The following ZNF292 variants were observed in gnomAD, a reference collection of about 807,000 sequenced individuals.
ZNF292 encodes the protein 16 zinc-finger domain protein.
ZNF292 carries 26 observed loss-of-function variants against 217.9 expected under a neutral mutation model. The observed-to-expected ratio is 0.12, with a 90% CI of 0.09 to 0.17. The LOEUF (loss-of-function observed/expected upper bound fraction) is 0.17, where lower values mean the gene tolerates loss of function less well. Among genes scored for constraint, ZNF292 ranks in the 10% least tolerant of loss-of-function variants. The probability of loss-of-function intolerance (pLI) is 1.00; values close to 1 mark genes in which losing one functional copy is unlikely to be tolerated. For synonymous variants in ZNF292, 1,257 were observed against 1,124.1 expected, an observed-to-expected ratio of 1.12 and a Z score of -2.37; for missense variants, 2,904 against 3,175.2, an observed-to-expected ratio of 0.91 and a Z score of 2.05.
At chr6:87,216,470 C>A in intron 3 of ZNF292, 93 bp downstream of exon 3, 3 of 870,852 alleles carry the variant, frequency 3.4e-6, no homozygotes, top group Non-Finnish European at 5.4e-6. Flanking sequence ...TTTAAGACAT[C>A]TCAATAATGA....
intron 5 of ZNF292, among the ~76,000 whole-genome samples, chr6:87,235,198 T>C (rs1773843713): frequency 6.6e-6 from 1 of 151,182 alleles, no homozygotes; most frequent in Admixed American, 6.6e-5. Flanking sequence ...ATAAGTTAAT[T>C]TGCAGATGTA....
intron 7 of ZNF292, among the ~76,000 whole-genome samples, chr6:87,247,937 A>T (rs908551296): frequency 1.3e-5 from 2 of 152,220 alleles, no homozygotes; most frequent in Non-Finnish European, 2.9e-5. Flanking sequence ...GATTATACAG[A>T]TTAGACACAA....
intron 1 of ZNF292, among the ~76,000 whole-genome samples, chr6:87,198,042 T>G (rs1296911870): frequency 1.3e-5 from 2 of 152,174 alleles, no homozygotes; most frequent in Non-Finnish European, 2.9e-5. Context: ...GTATTTTCTT[T>G]TTCATCAGTT....
At position 87,240,841 on chromosome 6, in the gene ZNF292, T is replaced by C. The variant is rs368740115; in HGVS notation, c.742-2634T>C. ...GTAAAAATCTGTATTTAGCAGCATA[T>C]GAATATATGGCCTTAGTATTCCTGT... On this transcript the variant is annotated intron_variant, in intron 5 of 7. Transcript: ENST00000369577. 9.8e-5 allele frequency among the ~76,000 whole-genome samples: 15 copies of C among 152,356 alleles called. No homozygotes were observed. In the East Asian group the frequency reaches 1.5e-3, roughly 16 times the overall value.
intron 1 of ZNF292, among the ~76,000 whole-genome samples, chr6:87,172,713 C>T (rs957311869): frequency 6.6e-6 from 1 of 151,934 alleles, no homozygotes; most frequent in Admixed American, 6.6e-5. Flanking sequence ...TGAGACCAGC[C>T]TGGGCAACAC....
chr6:87,247,640 G>C (rs533240811), intron 7 of ZNF292, among the ~76,000 whole-genome samples: 1 of 152,066 alleles, frequency 6.6e-6, no homozygotes, highest in Non-Finnish European at 1.5e-5. Flanking sequence ...GTCAACACAG[G>C]CGTCTCATAA....
At chr6:87,207,587 A>G (rs1316594757) in intron 1 of ZNF292, among the ~76,000 whole-genome samples, 1 of 152,210 alleles carries the variant, frequency 6.6e-6, no homozygotes, top group Non-Finnish European at 1.5e-5. Flanking sequence ...TACGTGGCCT[A>G]GTTTGTGTTC....
intron 7 of ZNF292, among the ~76,000 whole-genome samples, chr6:87,253,073 A>AT (rs1209304323): frequency 6.8e-6 from 1 of 146,540 alleles, no homozygotes; most frequent in Non-Finnish European, 1.5e-5. Context: ...TGCCCAGCTA[A>AT]TTTTTTTTCT....
intron 1 of ZNF292, chr6:87,170,123 A>G (rs1413246728): frequency 6.6e-6 from 1 of 152,256 alleles, no homozygotes; most frequent in East Asian, 1.9e-4. Context: ...GAAATAATGC[A>G]AATTTTAATT....
chr6:87,186,484 A>G (rs558237720), intron 1 of ZNF292, among the ~76,000 whole-genome samples: 23 of 152,322 alleles, frequency 1.5e-4, no homozygotes, highest in African/African-American at 5.1e-4. Context: ...TATTCCTTCA[A>G]TATAGGAGAG....
At chr6:87,233,839 A>G (rs1023125524) in intron 5 of ZNF292, among the ~76,000 whole-genome samples, 11 of 152,280 alleles carry the variant, frequency 7.2e-5, no homozygotes, top group South Asian at 2.1e-4. Context: ...CTTAACTTCA[A>G]TCTTGTCTGA....
rs540539349 is a variant in ZNF292, at chr6:87,192,483, T to G, written c.169-23420T>G. ...TGTACATTCCAATATACACTGTAATTTTTCACAAAAAGGACGATTTTACGT... is the reference window on the plus strand; with the variant it reads ...TGTACATTCCAATATACACTGTAATGTTTCACAAAAAGGACGATTTTACGT... On this transcript the variant is annotated intron_variant, in intron 1 of 7. Transcript: ENST00000369577. Among the ~76,000 whole-genome samples, 6 of 152,210 alleles carry G rather than the reference T, an allele frequency of 3.9e-5. No homozygotes were observed. The East Asian group carries it at 5.8e-4, about 15-fold the overall frequency.
At chr6:87,240,285 G>C (rs535450962) in intron 5 of ZNF292, among the ~76,000 whole-genome samples, 1 of 150,568 alleles carries the variant, frequency 6.6e-6, no homozygotes, top group African/African-American at 2.4e-5. Context: ...AGGTTGCAGT[G>C]AGCAGAGATG....
At position 87,261,214 on chromosome 6, in the gene ZNF292, A is replaced by T. The variant is rs755190408; in HGVS notation, c.7585A>T (p.Asn2529Tyr). 4 of 1,610,762 alleles carry T rather than the reference A, an allele frequency of 2.5e-6. No individual in the cohort carries two copies. The East Asian group carries it at 8.9e-5, about 36-fold the overall frequency. Residue 2529 changes from asparagine (N) to tyrosine (Y), a missense_variant, in exon 8 of 8, where the codon AAT (asparagine) becomes TAT (tyrosine). Asn to Tyr is a moderately radical substitution (Grantham distance 143, BLOSUM62 -2). Around this residue, in one of 15 missense-constraint regions of ZNF292, gnomAD observed 380 missense variants for 355.3 expected, o/e 1.07. Transcript: ENST00000369577. ...LCQSERQKAS[N>Y]LKRVNKEKNV... ...CCAGTCAGAAAGACAAAAAGCAAGT[A>T]ATTTGAAGAGAGTTAATAAGGAAAA... is the stretch of plus-strand genomic sequence containing the variant.
Position 87,257,959 on chromosome 6 carries a change from C to T in ZNF292, c.4330C>T (p.Pro1444Ser), listed in dbSNP as rs773233106. The change falls in exon 8 of 8, where the codon CCA becomes TCA. Residue 1444 changes from proline to serine, a missense_variant. Transcript: ENST00000369577. ...GCAGCCACAACAATCTACCTTCAAT[C>T]CAGAAGCATGTTTTAAAGATCCATC... ...LQQPQQSTFN[P>S]EACFKDPSFL... 1.2e-6 allele frequency: 2 copies of T among 1,613,950 alleles called. No homozygotes were observed. Among genetic ancestry groups the T allele is most frequent in the Non-Finnish European group, 1.7e-6 (2 of 1,179,846 alleles).
intron 4 of ZNF292, among the ~76,000 whole-genome samples, chr6:87,228,792 G>A (rs927366272): frequency 2.0e-5 from 3 of 152,118 alleles, no homozygotes; most frequent in African/African-American, 4.8e-5. Context: ...CCACATGTCT[G>A]TCTTTATGCC....
At chr6:87,194,631 G>T (rs2127785092) in intron 1 of ZNF292, among the ~76,000 whole-genome samples, 1 of 152,106 alleles carries the variant, frequency 6.6e-6, no homozygotes, top group South Asian at 2.1e-4. Context: ...ATTGAATCAA[G>T]AAAAGTCTGA....
At chr6:87,193,689 G>A (rs772194729) in intron 1 of ZNF292, among the ~76,000 whole-genome samples, 1 of 152,170 alleles carries the variant, frequency 6.6e-6, no homozygotes, top group Non-Finnish European at 1.5e-5. Context: ...TAATAAGACA[G>A]CTCAGTGTGC....
intron 4 of ZNF292, among the ~76,000 whole-genome samples, chr6:87,225,133 A>C (rs944486854): frequency 6.6e-6 from 1 of 152,164 alleles, no homozygotes; most frequent in Non-Finnish European, 1.5e-5. Context: ...ACATCTTTTC[A>C]TATGCATATT....
Sources: gnomAD v4.1 joint callset for allele counts (sites outside exome capture counted in the v4.1 genomes callset) on GRCh38, gnomAD v4.1.1 for gene constraint, gnomAD v4.1.1 regional missense constraint, MANE v1.5 for transcripts, NCBI Gene and HGNC (gene_info 2026-07-23, HGNC 2026-07-21) for gene names.